Variants in ARAP2 observed in about 807,000 individuals in gnomAD.
The protein encoded by ARAP2 is arf-GAP with Rho-GAP domain, ANK repeat and PH domain-containing protein 2.
In ARAP2, 148 loss-of-function variants were observed where a neutral mutation model predicts 194.5. That is an observed-to-expected ratio of 0.76 (90% CI 0.67 to 0.87). The LOEUF (loss-of-function observed/expected upper bound fraction) is 0.87. ARAP2 is among the 40% of genes least tolerant of loss of function. ARAP2 has a pLI of 0.00. For synonymous variants in ARAP2, 695 were observed against 683.5 expected (o/e 1.02, Z -0.26); for missense variants, 2,128 against 1,989.7 (o/e 1.07, Z -1.32).
intron 16 of ARAP2, among the ~76,000 whole-genome samples, chr4:36,148,920 C>G (rs919134938): frequency 6.6e-5 from 10 of 152,104 alleles, no homozygotes; most frequent in African/African-American, 2.4e-4. Flanking sequence ...AGTCACACAG[C>G]AGGTTCCCTC....
intron 5 of ARAP2, among the ~76,000 whole-genome samples, chr4:36,027,291 A>C (rs1240030259): frequency 1.3e-5 from 2 of 152,078 alleles, no homozygotes; most frequent in Non-Finnish European, 2.9e-5. Flanking sequence ...TTTCAAGGTC[A>C]TGCAGCTGGT....
In ARAP2 at chr4:36,049,864, CTTAAA is replaced by C. The variant is rs139467012; in HGVS notation, n.369+2137_369+2141del. Among the ~76,000 whole-genome samples the C allele has an allele frequency of 5.4e-3, 827 of 152,210 alleles. 8 individuals are homozygous for C. Among genetic ancestry groups the C allele is most frequent in the African/African-American group, 0.019 (773 of 41,542 alleles). ...TATCTTGACTTACTACAGAGTTTAT[CTTAAA>C]TTATTTTTCACAGTTACATTGCTCT... On this transcript the variant is annotated intron_variant and non_coding_transcript_variant, in intron 3 of 12. Transcript: ENST00000503225.
chr4:36,160,267 T>A, intron 13 of ARAP2, 192 bp downstream of exon 13: 1 of 1,187,596 alleles, frequency 8.4e-7, no homozygotes. Context: ...GGAGGAAGAA[T>A]TTATGCTCTT....
chr4:36,160,562 T>C lies in ARAP2; in HGVS notation c.2339A>G (p.Asp780Gly), dbSNP rs1733668021. The change falls in exon 13 of 33, where the codon GAC (aspartate) becomes GGC (glycine). Residue 780 changes from aspartate (D) to glycine (G), a missense_variant. Physicochemically the swap from Asp to Gly is moderately conservative, Grantham distance 94. Transcript: ENST00000303965. ...NLQKDEELHMDSPVEKRKNFI... is the reference protein window; with the variant it reads ...NLQKDEELHMGSPVEKRKNFI... ...GTTTTTTCTCTTTTCTACTGGTGAG[T>C]CCATATGTAATTCTTCATCCTTTTG... 2 of 1,559,874 alleles carry C rather than the reference T, an allele frequency of 1.3e-6. No individual in the cohort carries two copies. The highest frequency in any genetic ancestry group is 1.7e-6 in the Non-Finnish European group (2 of 1,161,482).
intron 15 of ARAP2, 43 bp downstream of exon 15, chr4:36,158,687 A>C (rs762786067): frequency 2.0e-6 from 3 of 1,495,074 alleles, no homozygotes; most frequent in South Asian, 1.3e-5. Flanking sequence ...ATAATGGAAT[A>C]AAGTTTTTAT....
chr4:36,018,387 T>C (rs1384396321), intron 6 of ARAP2, among the ~76,000 whole-genome samples: 1 of 149,986 alleles, frequency 6.7e-6, no homozygotes, highest in Non-Finnish European at 1.5e-5. Context: ...CCAACAGCAA[T>C]GTAGAACTGT....
intron 6 of ARAP2, among the ~76,000 whole-genome samples, chr4:36,016,480 C>T (rs1715818319): frequency 6.7e-6 from 1 of 149,782 alleles, no homozygotes; most frequent in Non-Finnish European, 1.5e-5. Flanking sequence ...TTATATTATC[C>T]TTTATAGCTC....
intron 6 of ARAP2, among the ~76,000 whole-genome samples, chr4:36,196,423 C>G (rs1289209494): frequency 6.6e-6 from 1 of 152,154 alleles, no homozygotes; most frequent in African/African-American, 2.4e-5. Context: ...AAGGACACAC[C>G]CTACCACTGG....
rs886651576 is a variant in ARAP2, at chr4:36,092,150, A to T, written c.4286-130T>A. 11 of 1,033,420 alleles carry T rather than the reference A, an allele frequency of 1.1e-5. No homozygotes were observed. The African/African-American group carries it at 1.3e-4, about 12-fold the overall frequency. 64.0% of individuals were successfully genotyped at this position (1,033,420 alleles called of 1,614,324 possible). ...TTACTACCGCTAAAGTCTAAGGTGA[A>T]CTTCCGGGAATACCATGTGTCTGAA... On this transcript the variant is annotated intron_variant, in intron 27 of 32. Coordinates refer to ENST00000303965, the MANE Select transcript of ARAP2 (RefSeq NM_015230.4).
Position 36,171,771 on chromosome 4 carries a change from A to C in ARAP2, c.1858-4724T>G, listed in dbSNP as rs1372126838. On this transcript the variant is annotated intron_variant, in intron 9 of 32. Transcript: ENST00000303965. ...ATTATTTTTATTTTATACCTTTTGA[A>C]TTTGAAACCAACTGAACATAGTATC... Among the ~76,000 whole-genome samples, 3 of 151,858 alleles carry C rather than the reference A, an allele frequency of 2.0e-5. No individual in the cohort carries two copies. The East Asian group carries it at 5.8e-4, about 29-fold the overall frequency.
intron 5 of ARAP2, among the ~76,000 whole-genome samples, chr4:36,024,305 C>T (rs1190969289): frequency 6.6e-6 from 1 of 152,100 alleles, no homozygotes; most frequent in Non-Finnish European, 1.5e-5. Context: ...GCATATGTCA[C>T]TGATACTGTA....
At chr4:36,121,044 AT>A (rs975354304) in intron 23 of ARAP2, 134 bp downstream of exon 23, 32 of 647,100 alleles carry the variant, frequency 4.9e-5, no homozygotes, top group Admixed American at 2.1e-4. Flanking sequence ...ATTTAAAAAA[AT>A]ATGACTATTC....
chr4:36,099,238 C>T lies in ARAP2; in HGVS notation c.4286-7218G>A, dbSNP rs144168505. On this transcript the variant is annotated intron_variant, in intron 27 of 32. Coordinates refer to ENST00000303965, the MANE Select transcript of ARAP2 (RefSeq NM_015230.4). ...TCCCTGCTATGGACATGATCTCATT[C>T]CTTTTTATAGCTGCATAGTATTCCA... Among the ~76,000 whole-genome samples the T allele has an allele frequency of 1.8e-3, 272 of 152,206 alleles. 4 individuals are homozygous for T. In the East Asian group the frequency reaches 0.042, roughly 24 times the overall value.
chr4:36,128,477 TACAC>T (rs113034093), intron 21 of ARAP2, 52 bp downstream of exon 21: 88 of 947,506 alleles, frequency 9.3e-5, no homozygotes, highest in South Asian at 6.2e-4. Context: ...GTCTATATTA[TACAC>T]ACACACACAC....
chr4:36,010,136 T>A (rs1714183279), intron 9 of ARAP2, among the ~76,000 whole-genome samples: 1 of 151,436 alleles, frequency 6.6e-6, no homozygotes, highest in African/African-American at 2.4e-5. Context: ...GAAAACATTA[T>A]AAATAAATAA....
intron 6 of ARAP2, among the ~76,000 whole-genome samples, chr4:36,207,095 A>G (rs898067213): frequency 2.0e-5 from 3 of 152,216 alleles, no homozygotes; most frequent in African/African-American, 7.2e-5. Flanking sequence ...CAGCCATCCA[A>G]CCATGTTCTC....
chr4:36,164,852 T>C, intron 11 of ARAP2, 62 bp downstream of exon 11: 1 of 1,500,194 alleles, frequency 6.7e-7, no homozygotes, highest in Non-Finnish European at 9.3e-7. Flanking sequence ...TATGCAACAA[T>C]GAAGAGCATT....
In ARAP2 at chr4:36,159,344, A is replaced by G; in HGVS notation, c.2604T>C (p.His868=). 1.2e-6 allele frequency: 2 copies of G among 1,601,886 alleles called. No individual in the cohort carries two copies. Among genetic ancestry groups the G allele is most frequent in the Non-Finnish European group, 8.5e-7 (1 of 1,172,828 alleles). ...ACAGTGACGAACCTGAGAATTTGTT[A>G]TGGTAGAGAAATTCCATTTGCAGAC... The part of the protein sequence containing the change: ...GQSLQMEFLY[H]NKFSDFPQHD... Residue 868 remains histidine (H), a synonymous_variant, in exon 14 of 33, where the codon CAT becomes CAC. Coordinates refer to ENST00000303965, the MANE Select transcript of ARAP2 (RefSeq NM_015230.4).
rs1727634522 is a variant in ARAP2, at chr4:36,073,901, T to C, written c.4609-78A>G. ...CTATGTCATAAAGCCACTTGGTTTC[T>C]TTCCCACATATCCACATCAAATGAT... is the stretch of plus-strand genomic sequence containing the variant. On this transcript the variant is annotated intron_variant, in intron 31 of 32. Transcript: ENST00000303965. 4.6e-6 allele frequency: 7 copies of C among 1,507,730 alleles called. No homozygotes were observed. The South Asian group carries it at 7.4e-5, about 16-fold the overall frequency. The allele number at this position is 1,507,730 out of a possible 1,614,324, so 93.4% of individuals were successfully genotyped here. A position where few individuals can be genotyped will look rare whatever the true frequency, so the allele number is the denominator to read the frequency against.
Sources: gnomAD v4.1 joint callset for allele counts (sites outside exome capture counted in the v4.1 genomes callset) on GRCh38, gnomAD v4.1.1 for gene constraint, MANE v1.5 for transcripts, NCBI Gene and HGNC (gene_info 2026-07-23, HGNC 2026-07-21) for gene names.